The following UBE2Q2 variants were observed in gnomAD, a reference collection of about 807,000 sequenced individuals.
UBE2Q2 encodes ubiquitin conjugating enzyme E2 Q2.
A neutral mutation model predicts 59.9 loss-of-function variants in UBE2Q2; 54 were observed. The observed-to-expected ratio is 0.90, with a 90% confidence interval of 0.72 to 1.13. UBE2Q2 has a LOEUF of 1.13. UBE2Q2 is among the 50% of genes most tolerant of loss of function. The pLI is 0.00. For synonymous variants in UBE2Q2, 165 were observed against 155.2 expected, an observed-to-expected ratio of 1.06 and a Z score of -0.47; for missense variants, 433 against 441.9, an observed-to-expected ratio of 0.98 and a Z score of 0.18.
chr15:75,848,147 A>G (rs1896451776), intron 1 of UBE2Q2, among the ~76,000 whole-genome samples: 1 of 152,194 alleles, frequency 6.6e-6, no homozygotes. Context: ...GAGAGCATAT[A>G]GAGGAAAGCT....
chr15:75,863,012 C>T (rs1384554234), intron 3 of UBE2Q2, among the ~76,000 whole-genome samples: 1 of 151,958 alleles, frequency 6.6e-6, no homozygotes, highest in Non-Finnish European at 1.5e-5. Flanking sequence ...TGTTCTTTTG[C>T]CTGAGGTAGA....
intron 2 of UBE2Q2, 112 bp downstream of exon 2, chr15:75,854,599 A>G: frequency 1.6e-6 from 1 of 641,226 alleles, no homozygotes; most frequent in Non-Finnish European, 2.4e-6. Context: ...ATAATCTTGT[A>G]GGAATTAAAG....
intron 6 of UBE2Q2, among the ~76,000 whole-genome samples, chr15:75,876,564 C>T (rs757150358): frequency 1.3e-5 from 2 of 151,980 alleles, no homozygotes; most frequent in Non-Finnish European, 2.9e-5. Flanking sequence ...AAAGCATGAG[C>T]GATATTGCTT....
At chr15:75,878,708 GTT>G (rs1898223319) in intron 7 of UBE2Q2, among the ~76,000 whole-genome samples, 1 of 149,374 alleles carries the variant, frequency 6.7e-6, no homozygotes, top group African/African-American at 2.5e-5. Flanking sequence ...AGTGATTTAA[GTT>G]TTCATAGTTC....
intron 2 of UBE2Q2, among the ~76,000 whole-genome samples, chr15:75,858,618 T>C (rs190131542): frequency 6.6e-6 from 1 of 152,284 alleles, no homozygotes; most frequent in Non-Finnish European, 1.5e-5. Flanking sequence ...TTGAAATTCG[T>C]GGAGAGTGTA....
chr15:75,897,384 G>A (rs915341740), intron 12 of UBE2Q2, among the ~76,000 whole-genome samples: 26 of 151,752 alleles, frequency 1.7e-4, no homozygotes, highest in Admixed American at 1.6e-3. Flanking sequence ...GACTACAGGT[G>A]CCTTTTTTGT....
chr15:75,854,497 T>C lies in UBE2Q2; in HGVS notation c.282+10T>C. ...TAAGAACAACAATTTGGTAAGAAAA[T>C]AAGCCAAGCTATTTTCTCTTTTCCT... On this transcript the variant is annotated intron_variant, in intron 2 of 12. Transcript: ENST00000267938. The C allele has an allele frequency of 6.4e-7, 1 of 1,562,004 alleles. No homozygotes were observed. The highest frequency in any genetic ancestry group is 1.1e-5 in the South Asian group (1 of 86,964).
chr15:75,871,412 A>G (rs891215958), intron 4 of UBE2Q2, among the ~76,000 whole-genome samples: 1 of 152,208 alleles, frequency 6.6e-6, no homozygotes, highest in Non-Finnish European at 1.5e-5. Flanking sequence ...TACGGGTGTC[A>G]GGCTGGGGGA....
intron 12 of UBE2Q2, among the ~76,000 whole-genome samples, chr15:75,897,536 C>G (rs551702360): frequency 1.3e-5 from 2 of 151,982 alleles, no homozygotes; most frequent in East Asian, 1.9e-4. Flanking sequence ...CATTGTACTT[C>G]AGTCAAAATT....
chr15:75,859,242 A>G (rs1305286604), intron 2 of UBE2Q2, among the ~76,000 whole-genome samples: 1 of 151,824 alleles, frequency 6.6e-6, no homozygotes, highest in African/African-American at 2.4e-5. Flanking sequence ...TATTTTTTAT[A>G]CAGACACTTA....
In UBE2Q2 at chr15:75,879,076, T is replaced by C. The variant is rs764892867; in HGVS notation, c.735-22T>C. On this transcript the variant is annotated intron_variant, in intron 7 of 12. Coordinates refer to ENST00000267938, the MANE Select transcript of UBE2Q2 (RefSeq NM_173469.4). The stretch of plus-strand genomic sequence containing the variant: ...AATCTCTAACTTTTTATTTGAACTG[T>C]TTTTTGTTTTGTAATTCTTAGGGTT... 9 of 1,516,862 alleles carry C rather than the reference T, an allele frequency of 5.9e-6. No individual in the cohort carries two copies. The African/African-American group carries it at 8.5e-5, about 14-fold the overall frequency. 94.0% of individuals were successfully genotyped at this position (1,516,862 alleles called of 1,614,324 possible).
chr15:75,872,497 T>G (rs1897849927), intron 4 of UBE2Q2, among the ~76,000 whole-genome samples: 1 of 151,382 alleles, frequency 6.6e-6, no homozygotes. Context: ...ATAAAGATAT[T>G]GGTCTAGGGG....
Position 75,899,549 on chromosome 15 carries a change from C to A in UBE2Q2, c.*91C>A. The A allele has an allele frequency of 3.8e-6, 4 of 1,054,984 alleles. No homozygotes were observed. Among genetic ancestry groups the A allele is most frequent in the Non-Finnish European group, 4.2e-6 (3 of 709,678 alleles). 65.4% of individuals were successfully genotyped at this position (1,054,984 alleles called of 1,614,324 possible). A position where few individuals can be genotyped will look rare whatever the true frequency, so the allele number is the denominator to read the frequency against. On this transcript the variant is annotated 3_prime_UTR_variant, in exon 13 of 13. Coordinates refer to ENST00000267938, the MANE Select transcript of UBE2Q2 (RefSeq NM_173469.4). ...AAAGCTTTGAGTGCCCCTATTACAG[C>A]AGTACCGAAGATGTTAGTTAATAGA...
intron 11 of UBE2Q2, among the ~76,000 whole-genome samples, chr15:75,891,847 G>A (rs969682833): frequency 2.6e-5 from 4 of 152,204 alleles, no homozygotes; most frequent in Non-Finnish European, 5.9e-5. Flanking sequence ...TTAAAGGCAA[G>A]ATGGTGCTTT....
chr15:75,864,607 T>TAA lies in UBE2Q2; in HGVS notation c.388-4328_388-4327dup, dbSNP rs34148087. ...CTTCAGTTTTAGTAACTGTAGATTCTAAAAAAAAAAAAAAAAAGGATCGCT... is the reference window on the plus strand; with the variant it reads ...CTTCAGTTTTAGTAACTGTAGATTCTAAAAAAAAAAAAAAAAAAAGGATCGCT... On this transcript the variant is annotated intron_variant, in intron 3 of 12. Transcript: ENST00000267938. Among the ~76,000 whole-genome samples the TAA allele has an allele frequency of 2.3e-3, 304 of 134,648 alleles. 1 individual carries two copies. Among genetic ancestry groups the TAA allele is most frequent in the Middle Eastern group, 7.9e-3 (2 of 252 alleles). The allele number at this position is 134,648 out of a possible 152,430, so 88.3% of individuals were successfully genotyped here. A position where few individuals can be genotyped will look rare whatever the true frequency, so the allele number is the denominator to read the frequency against.
chr15:75,872,068 A>T (rs1897824138), intron 4 of UBE2Q2, among the ~76,000 whole-genome samples: 5 of 152,130 alleles, frequency 3.3e-5, no homozygotes, highest in Admixed American at 3.3e-4. Context: ...AAGGGAGCTC[A>T]ATGAAGTATG....
chr15:75,853,184 G>T (rs376042960), intron 1 of UBE2Q2, among the ~76,000 whole-genome samples: 1 of 152,136 alleles, frequency 6.6e-6, no homozygotes, highest in Non-Finnish European at 1.5e-5. Flanking sequence ...TTTTAAAAAA[G>T]ATATGGGCCT....
chr15:75,844,235 C>T (rs1896193459), intron 1 of UBE2Q2: 3 of 1,486,334 alleles, frequency 2.0e-6, no homozygotes, highest in East Asian at 2.5e-5. Flanking sequence ...GTTGTTTGAG[C>T]CCAGGCCGGC....
chr15:75,893,099 G>A (rs1899194963), intron 11 of UBE2Q2, among the ~76,000 whole-genome samples: 1 of 152,122 alleles, frequency 6.6e-6, no homozygotes, highest in South Asian at 2.1e-4. Flanking sequence ...ACTAGAAAGT[G>A]AGAGAAATAG....
Sources: gnomAD v4.1 joint callset for allele counts (sites outside exome capture counted in the v4.1 genomes callset) on GRCh38, gnomAD v4.1.1 for gene constraint, MANE v1.5 for transcripts, NCBI Gene and HGNC (gene_info 2026-07-23, HGNC 2026-07-21) for gene names.